The following KCNIP4 variants were observed in gnomAD, a reference collection of about 807,000 sequenced individuals.
KCNIP4 encodes the protein Kv channel-interacting protein 4.
In KCNIP4, 12 loss-of-function variants were observed where a neutral mutation model predicts 34.0. The observed-to-expected ratio is 0.35, with a 90% confidence interval of 0.23 to 0.57. The LOEUF is 0.57. Among genes scored for constraint, KCNIP4 ranks in the 20% least tolerant of loss-of-function variants. The pLI, the probability that KCNIP4 is intolerant of heterozygous loss-of-function variation, is 0.83. For synonymous variants in KCNIP4, 124 were observed against 102.2 expected (o/e 1.21, Z -1.29); for missense variants, 238 against 311.7 (o/e 0.76, Z 1.78).
chr4:20,936,112 A>C (rs1464996823), intron 1 of KCNIP4, among the ~76,000 whole-genome samples: 1 of 152,152 alleles, frequency 6.6e-6, no homozygotes, highest in Non-Finnish European at 1.5e-5. Context: ...AATTGGAGTT[A>C]ACAGTATCTA....
At chr4:21,158,550 T>G (rs1317386614) in intron 1 of KCNIP4, among the ~76,000 whole-genome samples, 1 of 152,158 alleles carries the variant, frequency 6.6e-6, no homozygotes, top group Non-Finnish European at 1.5e-5. Context: ...AAGTGATTAT[T>G]TCAATAGATA....
intron 1 of KCNIP4, among the ~76,000 whole-genome samples, chr4:21,840,187 C>T (rs1460652833): frequency 6.6e-6 from 1 of 151,382 alleles, no homozygotes. Context: ...CAGAAAACAA[C>T]TTGAAATAAG....
At chr4:21,131,815 G>A (rs886140270) in intron 1 of KCNIP4, among the ~76,000 whole-genome samples, 3 of 152,146 alleles carry the variant, frequency 2.0e-5, no homozygotes, top group African/African-American at 7.2e-5. Context: ...TCCATGAAAA[G>A]TTAATACTTT....
intron 3 of KCNIP4, among the ~76,000 whole-genome samples, chr4:20,820,282 G>T (rs1361549562): frequency 6.6e-6 from 1 of 152,164 alleles, no homozygotes; most frequent in Non-Finnish European, 1.5e-5. Flanking sequence ...TGGAGAAAAA[G>T]CCATCCTGTT....
intron 1 of KCNIP4, among the ~76,000 whole-genome samples, chr4:21,543,518 T>C (rs1034963729): frequency 2.0e-5 from 3 of 152,150 alleles, no homozygotes; most frequent in African/African-American, 7.2e-5. Flanking sequence ...GTAAGTAAAC[T>C]TCAAAGCCAA....
chr4:20,965,520 A>C (rs1015669503), intron 1 of KCNIP4, among the ~76,000 whole-genome samples: 2 of 152,190 alleles, frequency 1.3e-5, no homozygotes, highest in Admixed American at 1.3e-4. Flanking sequence ...GAAACTGGTC[A>C]ACTTTCCTTA....
chr4:21,589,225 T>G (rs1741946332), intron 1 of KCNIP4, among the ~76,000 whole-genome samples: 1 of 118,916 alleles, frequency 8.4e-6, no homozygotes, highest in Non-Finnish European at 1.8e-5. Flanking sequence ...AGTACACATG[T>G]ATCTATACAG....
intron 1 of KCNIP4, among the ~76,000 whole-genome samples, chr4:20,902,529 T>A (rs1335052193): frequency 1.3e-5 from 2 of 152,182 alleles, no homozygotes; most frequent in East Asian, 3.9e-4. Context: ...TTGTTATTGC[T>A]ATTTTTTGAG....
At chr4:21,459,394 C>T (rs531190784) in intron 1 of KCNIP4, among the ~76,000 whole-genome samples, 2 of 152,150 alleles carry the variant, frequency 1.3e-5, no homozygotes, top group South Asian at 4.1e-4. Flanking sequence ...TCCTGTCTCC[C>T]TTGCTCTTCC....
At chr4:21,443,854 G>A (rs1004567439) in intron 1 of KCNIP4, among the ~76,000 whole-genome samples, 1 of 152,070 alleles carries the variant, frequency 6.6e-6, no homozygotes, top group Non-Finnish European at 1.5e-5. Flanking sequence ...GTTTGTTTAA[G>A]CCTGAGAGGT....
intron 1 of KCNIP4, among the ~76,000 whole-genome samples, chr4:21,000,735 C>T (rs1354560057): frequency 6.6e-6 from 1 of 152,078 alleles, no homozygotes; most frequent in Non-Finnish European, 1.5e-5. Flanking sequence ...GGGTATGTGC[C>T]TTTTATGATA....
intron 1 of KCNIP4, among the ~76,000 whole-genome samples, chr4:21,692,484 G>A (rs1387546370): frequency 6.6e-6 from 1 of 152,136 alleles, no homozygotes; most frequent in Non-Finnish European, 1.5e-5. Flanking sequence ...ACTCTGTTGG[G>A]AAAAGTAACA....
intron 1 of KCNIP4, among the ~76,000 whole-genome samples, chr4:21,264,426 G>A (rs1761669710): frequency 6.6e-6 from 1 of 152,146 alleles, no homozygotes; most frequent in Non-Finnish European, 1.5e-5. Context: ...TTAGCATGGT[G>A]GTTAGGAACG....
intron 1 of KCNIP4, among the ~76,000 whole-genome samples, chr4:21,514,699 G>C (rs1459905832): frequency 6.6e-6 from 1 of 152,024 alleles, no homozygotes; most frequent in African/African-American, 2.4e-5. Context: ...ATAGAAATAG[G>C]AAGCAACTGT....
chr4:21,542,132 G>A (rs963243620), intron 1 of KCNIP4, among the ~76,000 whole-genome samples: 1 of 152,130 alleles, frequency 6.6e-6, no homozygotes, highest in East Asian at 1.9e-4. Context: ...AGCTTTTTAT[G>A]TACAGTCAGG....
At chr4:20,989,066 C>A (rs1736849207) in intron 1 of KCNIP4, among the ~76,000 whole-genome samples, 1 of 152,208 alleles carries the variant, frequency 6.6e-6, no homozygotes, top group Non-Finnish European at 1.5e-5. Flanking sequence ...CAATTTATCA[C>A]CCTTTGTTAG....
At chr4:21,012,479 A>G (rs980654242) in intron 1 of KCNIP4, among the ~76,000 whole-genome samples, 2 of 152,148 alleles carry the variant, frequency 1.3e-5, no homozygotes, top group Admixed American at 6.5e-5. Context: ...AATTAATCAG[A>G]TTGCTTGAGC....
chr4:21,850,518 G>C (rs974905294), intron 1 of KCNIP4: 1 of 151,982 alleles, frequency 6.6e-6, no homozygotes, highest in African/African-American at 2.4e-5. Context: ...GTGTCACCTC[G>C]GGACTCTACA....
intron 1 of KCNIP4, among the ~76,000 whole-genome samples, chr4:21,029,257 C>G (rs1245520978): frequency 6.6e-6 from 1 of 152,182 alleles, no homozygotes; most frequent in Non-Finnish European, 1.5e-5. Flanking sequence ...CAAGGACACA[C>G]AGCTGATCAG....
Sources: allele counts gnomAD v4.1 joint callset (sites outside exome capture counted in the v4.1 genomes callset), GRCh38; gene constraint gnomAD v4.1.1; transcripts MANE v1.5; gene names NCBI Gene and HGNC (gene_info 2026-07-23, HGNC 2026-07-21).